The following VEGFC variants were observed in gnomAD, a reference collection of about 807,000 sequenced individuals.
The protein encoded by VEGFC is FLT4 ligand DHM.
Under a neutral mutation model 46.1 loss-of-function variants are expected in VEGFC, and 12 were observed. The observed-to-expected ratio is 0.26, with a 90% CI of 0.17 to 0.42. VEGFC has a LOEUF of 0.42. Among genes scored for constraint, VEGFC ranks in the 10% least tolerant of loss-of-function variants. The pLI, the probability that VEGFC is intolerant of heterozygous loss-of-function variation, is 1.00. For missense variants in VEGFC, 488 were observed against 529.4 expected, an observed-to-expected ratio of 0.92 and a Z score of 0.77; for synonymous variants, 232 against 195.5, an observed-to-expected ratio of 1.19 and a Z score of -1.56.
At chr4:176,789,456 T>G (rs557883399) in intron 1 of VEGFC, among the ~76,000 whole-genome samples, 1 of 152,212 alleles carries the variant, frequency 6.6e-6, no homozygotes, top group Non-Finnish European at 1.5e-5. Context: ...ACTTTCTATA[T>G]CTAAAACCTC....
chr4:176,732,118 C>A (rs533799852), intron 1 of VEGFC, among the ~76,000 whole-genome samples: 9 of 151,468 alleles, frequency 5.9e-5, no homozygotes, highest in African/African-American at 1.9e-4. Context: ...CAATAAAGTA[C>A]GAAATTATTT....
intron 1 of VEGFC, among the ~76,000 whole-genome samples, chr4:176,758,114 A>G (rs1237113729): frequency 1.3e-5 from 2 of 152,108 alleles, no homozygotes; most frequent in African/African-American, 4.8e-5. Context: ...TTGTATTTTT[A>G]ACCCTTAGGA....
chr4:176,768,571 G>T (rs994858668), intron 1 of VEGFC, among the ~76,000 whole-genome samples: 25 of 145,296 alleles, frequency 1.7e-4, no homozygotes, highest in Non-Finnish European at 3.5e-4. Flanking sequence ...TTTATGGCTT[G>T]GGAGAGATGG....
At position 176,729,718 on chromosome 4, in the gene VEGFC, T is replaced by C. The variant is rs535467215; in HGVS notation, c.176A>G (p.Gln59Arg). 1 of 1,604,990 alleles carries C rather than the reference T, an allele frequency of 6.2e-7. No individual in the cohort carries two copies. Among genetic ancestry groups the C allele is most frequent in the East Asian group, 2.2e-5 (1 of 44,652 alleles). The stretch of plus-strand genomic sequence containing the variant: ...ATCTACACTGGACACAGACCGTAAC[T>C]GCTCCTCCAGATCTTTGCTTGCATA... ...TAYASKDLEEQLRSVSSVDEL... is the reference protein window; with the variant it reads ...TAYASKDLEERLRSVSSVDEL... The change falls in exon 2 of 7, where the codon CAG becomes CGG. Residue 59 changes from glutamine (Q) to arginine (R), a missense_variant. Gln to Arg is a conservative substitution (Grantham distance 43). Transcript: ENST00000618562.
chr4:176,687,985 T>G, intron 4 of VEGFC, 58 bp from the exon 5 acceptor site: 3 of 900,568 alleles, frequency 3.3e-6, no homozygotes, highest in Non-Finnish European at 3.5e-6. Context: ...GAAGGGACCA[T>G]CTCTGCTCAC....
At chr4:176,686,680 C>G (rs1378496571) in intron 6 of VEGFC, among the ~76,000 whole-genome samples, 1 of 151,852 alleles carries the variant, frequency 6.6e-6, no homozygotes, top group African/African-American at 2.4e-5. Context: ...GAGTCAAAAC[C>G]AAGTTTAAGA....
intron 1 of VEGFC, among the ~76,000 whole-genome samples, chr4:176,774,530 T>C (rs1441552772): frequency 6.6e-6 from 1 of 152,176 alleles, no homozygotes; most frequent in Non-Finnish European, 1.5e-5. Flanking sequence ...TATCTTTGCA[T>C]ATGTAAAATG....
At chr4:176,705,555 G>A (rs1380455268) in intron 4 of VEGFC, among the ~76,000 whole-genome samples, 7 of 152,232 alleles carry the variant, frequency 4.6e-5, no homozygotes, top group Admixed American at 2.6e-4. Flanking sequence ...ATATTTTCCT[G>A]GCAGTTTTTT....
chr4:176,734,347 T>C (rs938541740), intron 1 of VEGFC, among the ~76,000 whole-genome samples: 2 of 151,824 alleles, frequency 1.3e-5, no homozygotes, highest in African/African-American at 4.8e-5. Context: ...ATCTGTAATT[T>C]TGGCAAATAG....
At chr4:176,778,897 T>G (rs1252506199) in intron 1 of VEGFC, among the ~76,000 whole-genome samples, 1 of 152,096 alleles carries the variant, frequency 6.6e-6, no homozygotes, top group African/African-American at 2.4e-5. Flanking sequence ...AGCAATGGAA[T>G]AAATCAGTTT....
At chr4:176,765,125 A>T (rs1447009531) in intron 1 of VEGFC, among the ~76,000 whole-genome samples, 2 of 152,164 alleles carry the variant, frequency 1.3e-5, no homozygotes, top group Admixed American at 1.3e-4. Flanking sequence ...TTGAGCAAAG[A>T]ATAGAATTTA....
chr4:176,777,204 C>CT (rs1028665459), intron 1 of VEGFC, among the ~76,000 whole-genome samples: 2 of 152,150 alleles, frequency 1.3e-5, no homozygotes, highest in Non-Finnish European at 2.9e-5. Flanking sequence ...GTAGTCCCAG[C>CT]TACTCAGGAG....
chr4:176,697,957 G>A lies in VEGFC; in HGVS notation c.705-10030C>T, dbSNP rs530464760. Among the ~76,000 whole-genome samples the A allele has an allele frequency of 6.3e-4, 96 of 151,788 alleles. No individual in the cohort carries two copies. In the Middle Eastern group the frequency reaches 0.01, roughly 16 times the overall value. ...CAATGAGATCACATGGACACAGGAA[G>A]GGGAACATCACACTCTGGGGACTGT... On this transcript the variant is annotated intron_variant, in intron 4 of 6. Transcript: ENST00000618562.
intron 1 of VEGFC, among the ~76,000 whole-genome samples, chr4:176,765,550 A>ATTTTTT (rs779746169): frequency 3.4e-4 from 45 of 131,486 alleles, no homozygotes; most frequent in Non-Finnish European, 6.1e-4. Flanking sequence ...CAAAGACAGA[A>ATTTTTT]TTTTTTTTTT....
intron 1 of VEGFC, among the ~76,000 whole-genome samples, chr4:176,750,964 T>G (rs1163725582): frequency 6.6e-6 from 1 of 151,548 alleles, no homozygotes; most frequent in Admixed American, 6.6e-5. Flanking sequence ...GAACCAGAAC[T>G]TTACAATAAA....
intron 1 of VEGFC, among the ~76,000 whole-genome samples, chr4:176,783,744 T>C (rs1735952174): frequency 6.6e-6 from 1 of 152,164 alleles, no homozygotes; most frequent in Non-Finnish European, 1.5e-5. Flanking sequence ...AGAACTACAG[T>C]ATGTAGCCTC....
rs772022989 is a variant in VEGFC at position 176,727,757 on chromosome 4, G to C, written c.552+21C>G. 1.3e-6 allele frequency: 2 copies of C among 1,590,640 alleles called. No individual in the cohort carries two copies. The highest frequency in any genetic ancestry group is 1.7e-5 in the Admixed American group (1 of 57,702). On this transcript the variant is annotated intron_variant, in intron 3 of 6. Transcript: ENST00000618562. ...CTGATTAAGGGGGCTCTCGCAGGTA[G>C]CAGGAATGGGCAATACCCACCGTCT...
intron 1 of VEGFC, among the ~76,000 whole-genome samples, chr4:176,737,356 TA>T (rs1442338301): frequency 6.9e-6 from 1 of 145,558 alleles, no homozygotes; most frequent in Admixed American, 7.0e-5. Flanking sequence ...ATAAATATTA[TA>T]AATATAGCAT....
chr4:176,751,594 A>G (rs1251581782), intron 1 of VEGFC, among the ~76,000 whole-genome samples: 1 of 151,830 alleles, frequency 6.6e-6, no homozygotes, highest in Non-Finnish European at 1.5e-5. Flanking sequence ...CTACATATAT[A>G]TTAAAGCTAT....
Sources: allele counts gnomAD v4.1 joint callset (sites outside exome capture counted in the v4.1 genomes callset), GRCh38; gene constraint gnomAD v4.1.1; transcripts MANE v1.5; gene names NCBI Gene and HGNC (gene_info 2026-07-23, HGNC 2026-07-21).